The following HBS1L variants were observed in gnomAD, a reference collection of about 807,000 sequenced individuals.
The protein encoded by HBS1L is HBS1-like protein.
In HBS1L, 55 loss-of-function variants were observed where a neutral mutation model predicts 88.9. The observed-to-expected ratio is 0.62, with a 90% CI of 0.50 to 0.77. HBS1L has a LOEUF of 0.77. Among genes scored for constraint, HBS1L ranks in the 30% least tolerant of loss-of-function variants. HBS1L has a pLI of 0.00. For synonymous variants in HBS1L, 267 were observed against 288.5 expected (o/e 0.93, Z 0.76); for missense variants, 741 against 829.3 (o/e 0.89, Z 1.31).
chr6:134,978,687 CT>C lies in HBS1L; in HGVS notation c.1788del (p.Gly597AspfsTer20). On this transcript the variant is annotated frameshift_variant, in exon 15 of 18. Coordinates refer to ENST00000367837, the MANE Select transcript of HBS1L (RefSeq NM_006620.4). LOFTEE classifies it high-confidence loss of function. ...AACATTTTGGAACTTACAGGAAATC[CT>C]TTAGTGATAGGAATTTCAATATTAA... Reference protein sequence around the residue: ...LIFNIEIPITKGFPVLLHYQT... With the variant: ...LIFNIEIPITXGFPVLLHYQT... 6.4e-7 allele frequency: 1 copy of C among 1,554,848 alleles called. No homozygotes were observed. The highest frequency in any genetic ancestry group is 8.8e-7 in the Non-Finnish European group (1 of 1,133,734).
At chr6:135,039,210 T>C (rs1041291046) in intron 4 of HBS1L, among the ~76,000 whole-genome samples, 1 of 150,798 alleles carries the variant, frequency 6.6e-6, no homozygotes. Context: ...TCCCAGTTAC[T>C]TGGGAGGCTG....
At chr6:134,985,978 T>C in intron 11 of HBS1L, 88 bp downstream of exon 11, 2 of 687,056 alleles carry the variant, frequency 2.9e-6, no homozygotes, top group Non-Finnish European at 5.2e-6. Context: ...TGCTTTTTCA[T>C]ACGTGTGACT....
At chr6:134,978,376 CTT>C (rs1448011869) in intron 15 of HBS1L, among the ~76,000 whole-genome samples, 1 of 151,820 alleles carries the variant, frequency 6.6e-6, no homozygotes, top group Non-Finnish European at 1.5e-5. Context: ...AGTAAGTAAA[CTT>C]TAGAACACAG....
rs61738647 is a variant in HBS1L at position 134,961,597 on chromosome 6, T to C, written c.*3682A>G. 0.32 allele frequency: 47,985 copies of C among 152,008 alleles called. 8,095 individuals are homozygous for C. The highest frequency in any genetic ancestry group is 0.37 in the Non-Finnish European group (25,493 of 67,992). 9.4% of individuals were successfully genotyped at this position (152,008 alleles called of 1,614,324 possible). A position where few individuals can be genotyped will look rare whatever the true frequency, so the allele number is the denominator to read the frequency against. On this transcript the variant is annotated 3_prime_UTR_variant, in exon 18 of 18. Coordinates refer to ENST00000367837, the MANE Select transcript of HBS1L (RefSeq NM_006620.4). ...CATGGGTGACTGTTGCTTCTTTCCT[T>C]TCCTCCCACCCACAACATAAAAATT... is the stretch of plus-strand genomic sequence containing the variant.
At chr6:135,037,143 C>T in intron 4 of HBS1L, 1 of 1,551,614 alleles carries the variant, frequency 6.4e-7, no homozygotes, top group African/African-American at 1.4e-5. Context: ...TATGAAATGC[C>T]AATGACGACA....
At position 135,050,635 on chromosome 6, in the gene HBS1L, T is replaced by A; in HGVS notation, c.56A>T (p.Asp19Val). The A allele has an allele frequency of 6.3e-7, 1 of 1,589,106 alleles. No homozygotes were observed. The highest frequency in any genetic ancestry group is 8.6e-7 in the Non-Finnish European group (1 of 1,165,464). The change falls in exon 2 of 18, where the codon GAT becomes GTT. Residue 19 changes from aspartate to valine, a missense_variant. Coordinates refer to ENST00000367837, the MANE Select transcript of HBS1L (RefSeq NM_006620.4). ...CTCTACAGACTGGCCGTAGAGATCA[T>A]CATCTTCAAAATCTAAAATAAAGAC... is the stretch of plus-strand genomic sequence containing the variant. ...GYNYDEDFEDDDLYGQSVEDD... is the reference protein window; with the variant it reads ...GYNYDEDFEDVDLYGQSVEDD...
chr6:135,037,635 A>G (rs1776597913), intron 4 of HBS1L: 1 of 1,549,144 alleles, frequency 6.5e-7, no homozygotes. Context: ...ATGCAGAATC[A>G]TCTTTGGAAA....
intron 3 of HBS1L, among the ~76,000 whole-genome samples, chr6:135,040,344 CTTTTTT>C (rs71006751): frequency 4.5e-5 from 5 of 110,062 alleles, no homozygotes; most frequent in South Asian, 6.6e-4. Context: ...GATAGGCATT[CTTTTTT>C]TTTTTTTTTT....
At chr6:134,986,317 T>C in intron 10 of HBS1L, 134 bp from the exon 11 acceptor site, 1 of 613,662 alleles carries the variant, frequency 1.6e-6, no homozygotes, top group East Asian at 2.9e-5. Context: ...ATCACAGAAC[T>C]ACAGCCCCAA....
rs1340809540 is a variant in HBS1L, at chr6:135,039,591, T to C, written c.412A>G (p.Thr138Ala). 2 of 1,613,918 alleles carry C rather than the reference T, an allele frequency of 1.2e-6. No homozygotes were observed. Among genetic ancestry groups the C allele is most frequent in the Non-Finnish European group, 1.7e-6 (2 of 1,179,938 alleles). The stretch of plus-strand genomic sequence containing the variant: ...GGCATACCTTTTGCTATCTTTCCTG[T>C]AGATACTGTTGCCTCATTCTTGTCC... ...LKDKNEATVS[T>A]GKIAKGKPVD... is the part of the protein sequence containing the mutation. The change falls in exon 4 of 18, where the codon ACA becomes GCA. Residue 138 changes from threonine (T) to alanine (A), a missense_variant. This residue lies in a region of HBS1L where 556 missense variants were observed against 598.4 expected (regional missense o/e 0.93). Transcript: ENST00000367837.
chr6:134,997,724 G>T lies in HBS1L; in HGVS notation c.540-68C>A, dbSNP rs570552587. The T allele has an allele frequency of 2.9e-4, 408 of 1,392,120 alleles. 3 individuals carry two copies. In the Middle Eastern group the frequency reaches 6.6e-3, roughly 23 times the overall value. The allele number at this position is 1,392,120 out of a possible 1,614,324, so 86.2% of individuals were successfully genotyped here. A position where few individuals can be genotyped will look rare whatever the true frequency, so the allele number is the denominator to read the frequency against. ...ATTGATGTCCTACAATGACAGAAGG[G>T]CAGAGAAACTGTTTCTTCATAATCC... is the stretch of plus-strand genomic sequence containing the variant. On this transcript the variant is annotated intron_variant, in intron 5 of 17. Transcript: ENST00000367837.
At chr6:134,979,940 A>G (rs1308988052) in intron 13 of HBS1L, among the ~76,000 whole-genome samples, 1 of 152,076 alleles carries the variant, frequency 6.6e-6, no homozygotes, top group African/African-American at 2.4e-5. Flanking sequence ...CTATATATCT[A>G]GAGATATACA....
chr6:135,006,061 T>G (rs1256922967), intron 4 of HBS1L, among the ~76,000 whole-genome samples: 1 of 152,170 alleles, frequency 6.6e-6, no homozygotes, highest in Non-Finnish European at 1.5e-5. Flanking sequence ...TTGTGTGACT[T>G]TTTCTAGCAA....
intron 7 of HBS1L, among the ~76,000 whole-genome samples, chr6:134,995,349 G>A (rs1583087719): frequency 6.6e-6 from 1 of 151,952 alleles, no homozygotes; most frequent in Admixed American, 6.6e-5. Context: ...ACGGTGGTGA[G>A]CTAAAACTCC....
At chr6:134,995,898 C>T (rs1454693412) in intron 7 of HBS1L, among the ~76,000 whole-genome samples, 5 of 152,026 alleles carry the variant, frequency 3.3e-5, no homozygotes, top group African/African-American at 1.2e-4. Flanking sequence ...ATACTGTGAC[C>T]TGCTTTACAG....
chr6:134,999,859 T>TA (rs1261123121), intron 5 of HBS1L, among the ~76,000 whole-genome samples: 3 of 151,930 alleles, frequency 2.0e-5, no homozygotes, highest in African/African-American at 2.4e-5. Context: ...CTGCCCTTAG[T>TA]AAAAAAAACT....
At chr6:135,027,544 A>G (rs1205273256) in intron 4 of HBS1L, among the ~76,000 whole-genome samples, 1 of 152,192 alleles carries the variant, frequency 6.6e-6, no homozygotes, top group African/African-American at 2.4e-5. Context: ...TTCATAGGAA[A>G]GTAAGATATA....
chr6:135,019,073 T>TA (rs1440976364), intron 4 of HBS1L, among the ~76,000 whole-genome samples: 1 of 151,932 alleles, frequency 6.6e-6, no homozygotes, highest in Non-Finnish European at 1.5e-5. Flanking sequence ...TATAATGACT[T>TA]AATATATGCT....
At chr6:134,978,947 AT>A (rs1774734103) in intron 14 of HBS1L, among the ~76,000 whole-genome samples, 160 bp from the exon 15 acceptor site, 1 of 152,090 alleles carries the variant, frequency 6.6e-6, no homozygotes, top group South Asian at 2.1e-4. Flanking sequence ...TTAAACCATT[AT>A]TAACCTTATG....
Sources: allele counts gnomAD v4.1 joint callset (sites outside exome capture counted in the v4.1 genomes callset), GRCh38; gene constraint gnomAD v4.1.1; regional missense constraint gnomAD v4.1.1; transcripts MANE v1.5; gene names NCBI Gene and HGNC (gene_info 2026-07-23, HGNC 2026-07-21).